The following EMG1 variants were observed in gnomAD, a reference collection of about 807,000 sequenced individuals.
EMG1 encodes the protein EMG1 N1-specific pseudouridine methyltransferase, also known as ribosomal RNA small subunit methyltransferase NEP1.
In EMG1, 24 loss-of-function variants were observed where a neutral mutation model predicts 26.9. The ratio of observed to expected loss-of-function variants is 0.89; its 90% CI spans 0.65 to 1.26. The LOEUF (loss-of-function observed/expected upper bound fraction) is 1.26. EMG1 is among the 50% of genes most tolerant of loss of function. The pLI is 0.00. For missense variants in EMG1, 299 were observed against 307.6 expected (o/e 0.97, Z 0.21); for synonymous variants, 140 against 112.6 (o/e 1.24, Z -1.54).
In EMG1 at chr12:6,975,085, T is replaced by C. The variant is rs782486056; in HGVS notation, c.413-5T>C. On this transcript the variant is annotated splice_polypyrimidine_tract_variant and splice_region_variant and intron_variant, in intron 3 of 5. Transcript: ENST00000599672. ...TAGCTCTGAACTCTTTTTTCCCCCT[T>C]CTAGTTCAACTTTTACACAAGCTCA... 1.9e-6 allele frequency: 3 copies of C among 1,614,028 alleles called. No homozygotes were observed. The highest frequency in any genetic ancestry group is 1.1e-5 in the South Asian group (1 of 91,080).
In EMG1 at chr12:6,970,916, G is replaced by A; in HGVS notation, c.-8G>A. The A allele has an allele frequency of 6.2e-7, 1 of 1,611,502 alleles. No individual in the cohort carries two copies. The highest frequency in any genetic ancestry group is 8.5e-7 in the Non-Finnish European group (1 of 1,178,766). On this transcript the variant is annotated 5_prime_UTR_variant, in exon 1 of 6. Coordinates refer to ENST00000599672, the MANE Select transcript of EMG1 (RefSeq NM_006331.8). ...GAGCGTTAGCGCAACTTCCGGTATT[G>A]TTGCAAGATGGCCGCGCCCAGTGAT... is the stretch of plus-strand genomic sequence containing the variant.
chr12:6,988,940 A>G (rs905074100), downstream of EMG1, among the ~76,000 whole-genome samples: 2 of 152,094 alleles, frequency 1.3e-5, no homozygotes, highest in African/African-American at 4.8e-5. Flanking sequence ...TAGCCTCAAC[A>G]TGGAGAAACC....
At chr12:6,982,691 G>A (rs1555154283), downstream of EMG1, 5 of 1,612,536 alleles carry the variant, frequency 3.1e-6, no homozygotes, top group Non-Finnish European at 4.2e-6. Context: ...GGAAGCAAAA[G>A]GTAGTGAGGA....
rs782806796 is a variant in EMG1 at position 6,970,967 on chromosome 12, G to GT, written c.45dup (p.Gly16TrpfsTer27). The GT allele has an allele frequency of 5.6e-6, 9 of 1,613,010 alleles. No homozygotes were observed. Among genetic ancestry groups the GT allele is most frequent in the Non-Finnish European group, 7.6e-6 (9 of 1,179,406 alleles). On this transcript the variant is annotated frameshift_variant, in exon 1 of 6. Transcript: ENST00000599672. LOFTEE classifies it high-confidence loss of function. The stretch of plus-strand genomic sequence containing the variant: ...GGATTCAAGCCTCGTGAACGAAGCG[G>GT]TGGGGAGCAGGCACAGGACTGGGAT...
rs782701112 is a variant in EMG1, at chr12:6,976,087, T to A, written c.*278T>A. 3 of 330,270 alleles carry A rather than the reference T, an allele frequency of 9.1e-6. No individual in the cohort carries two copies. Among genetic ancestry groups the A allele is most frequent in the Non-Finnish European group, 1.1e-5 (2 of 178,614 alleles). The allele number at this position is 330,270 out of a possible 1,614,324, so 20.5% of individuals were successfully genotyped here. A position where few individuals can be genotyped will look rare whatever the true frequency, so the allele number is the denominator to read the frequency against. ...GAGTTTGCAGTTTGGTTCCATGCTT[T>A]GAAGGCAGGCTTTAGCTCCCAGATT... On this transcript the variant is annotated 3_prime_UTR_variant, in exon 6 of 6. Transcript: ENST00000599672.
downstream of EMG1, chr12:6,980,021 C>CTT (rs34110645): frequency 0.039 from 4,829 of 122,742 alleles, 163 homozygotes; most frequent in African/African-American, 0.079. Flanking sequence ...GGCAATTAAA[C>CTT]TTTTTTTTTT....
intron 6 of EMG1, among the ~76,000 whole-genome samples, chr12:6,985,227 T>G (rs1946510564): frequency 6.7e-6 from 1 of 149,748 alleles, no homozygotes; most frequent in African/African-American, 2.5e-5. Context: ...CCGTCTCTAC[T>G]AAAAATACAA....
At chr12:6,971,678 G>A (rs140170676) in intron 1 of EMG1, among the ~76,000 whole-genome samples, 3 of 152,322 alleles carry the variant, frequency 2.0e-5, no homozygotes, top group Non-Finnish European at 2.9e-5. Flanking sequence ...AGTCTAAGCA[G>A]AGGAAAGTTT....
At position 6,978,389 on chromosome 12, in the gene EMG1, G is replaced by A. The variant is rs200922476; in HGVS notation, c.*2580G>A. ...GATGTTGAATGAGGCAATGGTGCCA[G>A]TGAAGCGGGGGTTTGTTTCAAAGAG... On this transcript the variant is annotated 3_prime_UTR_variant, in exon 6 of 6. Coordinates refer to ENST00000599672, the MANE Select transcript of EMG1 (RefSeq NM_006331.8). 1.4e-4 allele frequency: 224 copies of A among 1,613,808 alleles called. 1 individual carries two copies. The highest frequency in any genetic ancestry group is 1.8e-4 in the Non-Finnish European group (218 of 1,179,960).
rs782126924 is a variant in EMG1, at chr12:6,971,014, C to G, written c.91C>G (p.Arg31Gly). Reference sequence around the variant, plus strand: ...GGATGCTCTGCCACCCAAGCGGCCCCGACTAGGGGCAGGAAACAAGATCGG... The same window carrying G: ...GGATGCTCTGCCACCCAAGCGGCCCGGACTAGGGGCAGGAAACAAGATCGG... ...DWDALPPKRP[R>G]LGAGNKIGGR... The change falls in exon 1 of 6, where the codon CGA (arginine) becomes GGA (glycine). Residue 31 changes from arginine (R) to glycine (G), a missense_variant. Coordinates refer to ENST00000599672, the MANE Select transcript of EMG1 (RefSeq NM_006331.8). 1.9e-6 allele frequency: 3 copies of G among 1,611,636 alleles called. No individual in the cohort carries two copies. Among genetic ancestry groups the G allele is most frequent in the South Asian group, 1.1e-5 (1 of 90,556 alleles).
At position 6,978,377 on chromosome 12, in the gene EMG1, G is replaced by A. The variant is rs1555153593; in HGVS notation, c.*2568G>A. ...GGCGTTGGTGTTGATGTTGAATGAG[G>A]CAATGGTGCCAGTGAAGCGGGGGTT... On this transcript the variant is annotated 3_prime_UTR_variant, in exon 6 of 6. Coordinates refer to ENST00000599672, the MANE Select transcript of EMG1 (RefSeq NM_006331.8). The A allele has an allele frequency of 6.2e-7, 1 of 1,613,496 alleles. No individual in the cohort carries two copies. The highest frequency in any genetic ancestry group is 8.5e-7 in the Non-Finnish European group (1 of 1,179,802).
At position 6,978,690 on chromosome 12, in the gene EMG1, C is replaced by T. The variant is rs1555153655; in HGVS notation, c.*2881C>T. ...TGCAGCGGAACCAGAAGGGGTGGTT[C>T]TTGAGGGAAGAAAGCACAGTGCATT... On this transcript the variant is annotated 3_prime_UTR_variant, in exon 6 of 6. Coordinates refer to ENST00000599672, the MANE Select transcript of EMG1 (RefSeq NM_006331.8). 1 of 1,614,112 alleles carries T rather than the reference C, an allele frequency of 6.2e-7. No individual in the cohort carries two copies. Among genetic ancestry groups the T allele is most frequent in the African/African-American group, 1.3e-5 (1 of 75,038 alleles).
downstream of EMG1, chr12:6,983,641 G>GA (rs1390536288): frequency 0.04 from 21,341 of 533,678 alleles, no homozygotes; most frequent in South Asian, 0.052. Flanking sequence ...GAGGGAGAGA[G>GA]AAAAAAAAAA....
Position 6,972,880 on chromosome 12 carries a change from C to G in EMG1, c.169-1459C>G, listed in dbSNP as rs78113727. ...TTGAGATAGGGTCTTGCTCTGTTGC[C>G]TGGGCAACAGAGTGCAGTGGTGTGA... On this transcript the variant is annotated intron_variant, in intron 1 of 5. Transcript: ENST00000599672. 1.3e-3 allele frequency among the ~76,000 whole-genome samples: 199 copies of G among 152,036 alleles called. 2 individuals are homozygous for G. In the East Asian group the frequency reaches 0.023, roughly 18 times the overall value.
Position 6,975,787 on chromosome 12 carries a change from AG to A in EMG1, c.715del (p.Glu239LysfsTer19). The A allele has an allele frequency of 6.2e-7, 1 of 1,610,442 alleles. No homozygotes were observed. Among genetic ancestry groups the A allele is most frequent in the Non-Finnish European group, 8.5e-7 (1 of 1,176,724 alleles). ...TGTGCAAAACTTACCACAGCCTTTG[AG>A]GAAGTATGGGGGGTCATTTGACAGT... ...LTCAKLTTAF[E>X]EVWGVI On this transcript the variant is annotated frameshift_variant, in exon 6 of 6. Transcript: ENST00000599672. LOFTEE classifies it high-confidence loss of function.
Position 6,970,951 on chromosome 12 carries a change from C to A in EMG1, c.28C>A (p.Pro10Thr). 1 of 1,613,168 alleles carries A rather than the reference C, an allele frequency of 6.2e-7. No homozygotes were observed. Among genetic ancestry groups the A allele is most frequent in the Non-Finnish European group, 8.5e-7 (1 of 1,179,528 alleles). ...GGCCGCGCCCAGTGATGGATTCAAGCCTCGTGAACGAAGCGGTGGGGAGCA... is the reference window on the plus strand; with the variant it reads ...GGCCGCGCCCAGTGATGGATTCAAGACTCGTGAACGAAGCGGTGGGGAGCA... MAAPSDGFK[P>T]RERSGGEQAQ... Residue 10 changes from proline (P) to threonine (T), a missense_variant, in exon 1 of 6, where the codon CCT becomes ACT. Physicochemically the swap from Pro to Thr is conservative, Grantham distance 38 (BLOSUM62 -1). Coordinates refer to ENST00000599672, the MANE Select transcript of EMG1 (RefSeq NM_006331.8).
intron 6 of EMG1, among the ~76,000 whole-genome samples, chr12:6,986,471 G>A (rs1340553417): frequency 6.6e-6 from 1 of 152,066 alleles, no homozygotes; most frequent in Non-Finnish European, 1.5e-5. Flanking sequence ...TCTATTAGTA[G>A]TTAAGTTTTT....
chr12:6,973,426 C>T (rs1946356256), intron 1 of EMG1, among the ~76,000 whole-genome samples: 1 of 152,110 alleles, frequency 6.6e-6, no homozygotes, highest in African/African-American at 2.4e-5. Context: ...CCTTGGCCTC[C>T]CAGAGTGCTG....
In EMG1 at chr12:6,978,414, G is replaced by A. The variant is rs1555153603; in HGVS notation, c.*2605G>A. The A allele has an allele frequency of 6.2e-7, 1 of 1,614,054 alleles. No individual in the cohort carries two copies. The highest frequency in any genetic ancestry group is 1.1e-5 in the South Asian group (1 of 91,078). ...GTGAAGCGGGGGTTTGTTTCAAAGA[G>A]CCACACCTTCATGTTGGCACAGGCA... is the stretch of plus-strand genomic sequence containing the variant. On this transcript the variant is annotated 3_prime_UTR_variant, in exon 6 of 6. Transcript: ENST00000599672.
Sources: gnomAD v4.1 joint callset for allele counts (sites outside exome capture counted in the v4.1 genomes callset) on GRCh38, gnomAD v4.1.1 for gene constraint, MANE v1.5 for transcripts, NCBI Gene and HGNC (gene_info 2026-07-23, HGNC 2026-07-21) for gene names.